NRXN3: variants seen among roughly 807,000 people sequenced by gnomAD.
The protein encoded by NRXN3 is neurexin 3.
NRXN3 carries 32 observed loss-of-function variants against 137.6 expected under a neutral mutation model. That is an observed-to-expected ratio of 0.23 (90% CI 0.18 to 0.31). The LOEUF is 0.31. Ranked by LOEUF, NRXN3 falls within the 10% of genes least tolerant of loss-of-function variation. The pLI is 1.00. For synonymous variants in NRXN3, 798 were observed against 784.5 expected, an observed-to-expected ratio of 1.02 and a Z score of -0.29; for missense variants, 1,574 against 2,062.5, an observed-to-expected ratio of 0.76 and a Z score of 4.59.
intron 8 of NRXN3, among the ~76,000 whole-genome samples, chr14:78,786,352 C>T (rs2098789272): frequency 6.6e-6 from 1 of 152,100 alleles, no homozygotes. Context: ...TGTATCAGCC[C>T]TGATACATTA....
intron 15 of NRXN3, among the ~76,000 whole-genome samples, chr14:79,126,188 A>T (rs1047635735): frequency 2.6e-5 from 4 of 151,816 alleles, no homozygotes; most frequent in African/African-American, 9.7e-5. Context: ...ATTTATTATT[A>T]TTATACTTTA....
At chr14:79,326,140 G>A (rs1268295123) in intron 15 of NRXN3, among the ~76,000 whole-genome samples, 1 of 152,148 alleles carries the variant, frequency 6.6e-6, no homozygotes, top group East Asian at 1.9e-4. Flanking sequence ...TTGTGCCACA[G>A]GGATATGTTT....
At chr14:78,285,366 A>T (rs2075030886) in intron 3 of NRXN3, among the ~76,000 whole-genome samples, 2 of 152,200 alleles carry the variant, frequency 1.3e-5, no homozygotes, top group East Asian at 1.9e-4. Context: ...TAAGCCAGGC[A>T]TGGAAATATT....
At chr14:79,243,587 G>A (rs80334262) in intron 15 of NRXN3, among the ~76,000 whole-genome samples, 1,935 of 152,168 alleles carry the variant, frequency 0.013, 46 homozygotes, top group African/African-American at 0.044. Context: ...TGATTTTGTA[G>A]TTATGCAAAA....
At chr14:78,171,850 G>A (rs940376256) in intron 1 of NRXN3, among the ~76,000 whole-genome samples, 1 of 152,070 alleles carries the variant, frequency 6.6e-6, no homozygotes, top group African/African-American at 2.4e-5. Context: ...CATTATTGGG[G>A]TTTAGGTAAA....
At chr14:79,721,639 G>C (rs1240037710) in intron 19 of NRXN3, among the ~76,000 whole-genome samples, 2 of 152,138 alleles carry the variant, frequency 1.3e-5, no homozygotes, top group Non-Finnish European at 2.9e-5. Flanking sequence ...TGCCAACTCA[G>C]AGAAAATGAC....
intron 4 of NRXN3, among the ~76,000 whole-genome samples, chr14:78,595,347 C>T (rs1027527274): frequency 3.9e-5 from 6 of 152,168 alleles, no homozygotes; most frequent in Non-Finnish European, 8.8e-5. Flanking sequence ...TTCTGCTTTG[C>T]CACTCAGAGA....
chr14:78,633,519 T>C (rs895204136), intron 4 of NRXN3, among the ~76,000 whole-genome samples: 1 of 152,198 alleles, frequency 6.6e-6, no homozygotes, highest in African/African-American at 2.4e-5. Context: ...TTTAATTATT[T>C]CAGACCCTGG....
rs117835066 is a variant in NRXN3 at position 79,325,639 on chromosome 14, G to A, written c.3263-141582G>A. On this transcript the variant is annotated intron_variant, in intron 15 of 20. Transcript: ENST00000335750. ...CTGAAAGCATGAGGCAGGTGAAAGC[G>A]TGTCTGTGTGTTGCTTGCATGCACA... is the stretch of plus-strand genomic sequence containing the variant. Among the ~76,000 whole-genome samples, 486 of 152,300 alleles carry A rather than the reference G, an allele frequency of 3.2e-3. 15 individuals carry two copies. In the East Asian group the frequency reaches 0.062, roughly 19 times the overall value.
intron 10 of NRXN3, among the ~76,000 whole-genome samples, chr14:78,942,108 G>C (rs778510636): frequency 1.3e-5 from 2 of 152,218 alleles, no homozygotes; most frequent in Non-Finnish European, 2.9e-5. Context: ...CAGTAGCTCA[G>C]AGTGTGGGCT....
At chr14:79,424,266 C>T (rs2095623249) in intron 15 of NRXN3, among the ~76,000 whole-genome samples, 1 of 152,094 alleles carries the variant, frequency 6.6e-6, no homozygotes, top group South Asian at 2.1e-4. Flanking sequence ...AATATTAATT[C>T]CTCAAAGTTT....
At chr14:78,578,357 G>A (rs145447253) in intron 4 of NRXN3, among the ~76,000 whole-genome samples, 10 of 152,256 alleles carry the variant, frequency 6.6e-5, no homozygotes, top group African/African-American at 2.4e-4. Flanking sequence ...ATTGAAGGTG[G>A]GTCACTGTGA....
intron 15 of NRXN3, among the ~76,000 whole-genome samples, chr14:79,283,546 G>T (rs1245296110): frequency 6.6e-6 from 1 of 152,108 alleles, no homozygotes; most frequent in Non-Finnish European, 1.5e-5. Flanking sequence ...TTATAGATTT[G>T]CTTAAAGCCT....
rs74067141 is a variant in NRXN3 at position 78,841,296 on chromosome 14, T to G, written c.2275+30952T>G. Among the ~76,000 whole-genome samples, 1,324 of 152,116 alleles carry G rather than the reference T, an allele frequency of 8.7e-3. 15 individuals are homozygous for G. Among genetic ancestry groups the G allele is most frequent in the African/African-American group, 0.023 (937 of 41,508 alleles). On this transcript the variant is annotated intron_variant, in intron 10 of 20. Transcript: ENST00000335750. ...GAACCAGATGGATGATGATGATGAT[T>G]ATTATTATTATTGTAAACCGTCTTC...
chr14:78,176,116 T>G (rs1287780657), intron 1 of NRXN3, among the ~76,000 whole-genome samples: 1 of 152,180 alleles, frequency 6.6e-6, no homozygotes, highest in Non-Finnish European at 1.5e-5. Context: ...TTGTGGCCTG[T>G]CTTCTGGGAA....
At chr14:78,187,107 G>A (rs2060292383) in intron 1 of NRXN3, among the ~76,000 whole-genome samples, 1 of 152,188 alleles carries the variant, frequency 6.6e-6, no homozygotes, top group South Asian at 2.1e-4. Flanking sequence ...CTTTTCGTGT[G>A]CTGTTCAGAT....
At chr14:79,126,623 C>T (rs1257689662) in intron 15 of NRXN3, among the ~76,000 whole-genome samples, 2 of 151,956 alleles carry the variant, frequency 1.3e-5, no homozygotes, top group Non-Finnish European at 2.9e-5. Context: ...TGAATAATGC[C>T]GCAATAAACA....
intron 15 of NRXN3, among the ~76,000 whole-genome samples, chr14:79,194,772 C>G (rs923382352): frequency 6.6e-6 from 1 of 152,150 alleles, no homozygotes; most frequent in Admixed American, 6.5e-5. Context: ...AGTCTTCTTA[C>G]ACCTTCAGAT....
At chr14:79,280,199 C>G in intron 15 of NRXN3, 1 of 1,550,306 alleles carries the variant, frequency 6.5e-7, no homozygotes, top group Non-Finnish European at 8.7e-7. Flanking sequence ...ACTCTTCCTC[C>G]TGCTATGATG....
Sources: allele counts gnomAD v4.1 joint callset (sites outside exome capture counted in the v4.1 genomes callset), GRCh38; gene constraint gnomAD v4.1.1; transcripts MANE v1.5; gene names NCBI Gene and HGNC (gene_info 2026-07-23, HGNC 2026-07-21).